The following FYCO1 variants were observed in gnomAD, a reference collection of about 807,000 sequenced individuals.
FYCO1 encodes the protein FYVE and coiled-coil domain-containing protein 1.
FYCO1 carries 122 observed loss-of-function variants against 165.1 expected under a neutral mutation model. The observed-to-expected ratio is 0.74, with a 90% CI of 0.64 to 0.86. The LOEUF (loss-of-function observed/expected upper bound fraction) is 0.86. Ranked by LOEUF, FYCO1 falls within the 40% of genes least tolerant of loss-of-function variation. FYCO1 has a pLI of 0.00. For missense variants in FYCO1, 1,702 were observed against 1,810.3 expected (o/e 0.94, Z 1.09); for synonymous variants, 648 against 742.5 (o/e 0.87, Z 2.07).
intron 2 of FYCO1, among the ~76,000 whole-genome samples, chr3:45,982,007 G>A (rs915059556): frequency 6.6e-6 from 1 of 152,186 alleles, no homozygotes; most frequent in Admixed American, 6.5e-5. Flanking sequence ...CCTGAATACT[G>A]ACTTCCAGAA....
intron 14 of FYCO1, among the ~76,000 whole-genome samples, chr3:45,942,064 C>T (rs1189470581): frequency 6.6e-6 from 1 of 152,188 alleles, no homozygotes; most frequent in African/African-American, 2.4e-5. Flanking sequence ...TAAGGAACAC[C>T]TCACTCATTT....
In FYCO1 at chr3:45,918,488, G is replaced by A. The variant is rs998917444; in HGVS notation, c.*3277C>T. 2.9e-5 allele frequency: 4 copies of A among 137,126 alleles called. No homozygotes were observed. The highest frequency in any genetic ancestry group is 2.2e-4 in the South Asian group (1 of 4,626). The allele number at this position is 137,126 out of a possible 1,614,324, so 8.5% of individuals were successfully genotyped here. On this transcript the variant is annotated 3_prime_UTR_variant, in exon 18 of 18. Transcript: ENST00000296137. ...GACCATCCTTGGTTCTAAGCATCACGAATGGCTTCTCTCTGCTTTAATTCC... is the reference window on the plus strand; with the variant it reads ...GACCATCCTTGGTTCTAAGCATCACAAATGGCTTCTCTCTGCTTTAATTCC...
At chr3:45,987,404 A>G (rs1223283038) in intron 1 of FYCO1, among the ~76,000 whole-genome samples, 2 of 152,060 alleles carry the variant, frequency 1.3e-5, no homozygotes, top group Non-Finnish European at 2.9e-5. Context: ...TGAATTTATA[A>G]AAAAAAATGC....
At chr3:45,987,806 G>A (rs1435410576) in intron 1 of FYCO1, among the ~76,000 whole-genome samples, 1 of 152,254 alleles carries the variant, frequency 6.6e-6, no homozygotes, top group Non-Finnish European at 1.5e-5. Flanking sequence ...CCAGGACAAT[G>A]AAGGAACCAA....
chr3:45,925,384 GT>G (rs1380499182), intron 16 of FYCO1, among the ~76,000 whole-genome samples: 8 of 152,150 alleles, frequency 5.3e-5, no homozygotes, highest in African/African-American at 1.9e-4. Context: ...GCAACTTTGA[GT>G]TCCTAATGAG....
intron 1 of FYCO1, among the ~76,000 whole-genome samples, chr3:45,985,721 A>T (rs779134317): frequency 4.6e-5 from 7 of 152,226 alleles, no homozygotes; most frequent in Non-Finnish European, 1.0e-4. Context: ...AAGTTTGGTT[A>T]CAGTCCTCTC....
At position 45,918,184 on chromosome 3, in the gene FYCO1, A is replaced by G. The variant is rs376052187; in HGVS notation, c.*3581T>C. 6.5e-6 allele frequency: 1 copy of G among 152,756 alleles called. No individual in the cohort carries two copies. Among genetic ancestry groups the G allele is most frequent in the East Asian group, 1.9e-4 (1 of 5,192 alleles). The allele number at this position is 152,756 out of a possible 1,614,324, so 9.5% of individuals were successfully genotyped here. On this transcript the variant is annotated 3_prime_UTR_variant, in exon 18 of 18. Coordinates refer to ENST00000296137, the MANE Select transcript of FYCO1 (RefSeq NM_024513.4). ...TGAGCCTTCCAAATGAGGCTTGGGT[A>G]TTGCTCTGCAGCCACCAGAGGCAGA...
intron 8 of FYCO1, among the ~76,000 whole-genome samples, chr3:45,965,935 G>C (rs183690197): frequency 1.1e-3 from 171 of 152,370 alleles, no homozygotes; most frequent in Non-Finnish European, 2.0e-3. Context: ...TGAGGACGCA[G>C]GCTTTCAAAA....
rs1361699364 is a variant in FYCO1 at position 45,945,717 on chromosome 3, G to C, written c.3945-9174C>G. On this transcript the variant is annotated intron_variant, in intron 14 of 17. Transcript: ENST00000296137. ...TAGAATGCCATAAACTGTGTTAACT[G>C]ATGAAGGGGAAAGTTTAGTTGGGAA... 3.3e-5 allele frequency: 5 copies of C among 152,200 alleles called. No individual in the cohort carries two copies. In the East Asian group the frequency reaches 9.6e-4, roughly 29 times the overall value. The allele number at this position is 152,200 out of a possible 1,614,324, so 9.4% of individuals were successfully genotyped here.
chr3:45,940,130 T>C (rs1704137994), intron 14 of FYCO1, among the ~76,000 whole-genome samples: 1 of 152,234 alleles, frequency 6.6e-6, no homozygotes, highest in South Asian at 2.1e-4. Context: ...TGCTAATCCA[T>C]TGCTTATAAA....
chr3:45,967,311 C>T lies in FYCO1; in HGVS notation c.2023G>A (p.Asp675Asn), dbSNP rs1706113881. 1.9e-6 allele frequency: 3 copies of T among 1,613,712 alleles called. No homozygotes were observed. The highest frequency in any genetic ancestry group is 2.5e-6 in the Non-Finnish European group (3 of 1,179,828). Reference sequence around the variant, plus strand: ...GCCAGCAAGCTCGCCTCCATCTGGTCACCCAAGTGCCGGATGCTGGCCTGC... The same window carrying T: ...GCCAGCAAGCTCGCCTCCATCTGGTTACCCAAGTGCCGGATGCTGGCCTGC... ...AEQASIRHLG[D>N]QMEASLLAVR... Residue 675 changes from aspartate to asparagine, a missense_variant, in exon 8 of 18, where the codon GAC (aspartate) becomes AAC (asparagine). Transcript: ENST00000296137.
rs538032998 is a variant in FYCO1, at chr3:45,920,580, T to A, written c.*1185A>T. 1 of 152,254 alleles carries A rather than the reference T, an allele frequency of 6.6e-6. No homozygotes were observed. Among genetic ancestry groups the A allele is most frequent in the South Asian group, 2.1e-4 (1 of 4,750 alleles). The allele number at this position is 152,254 out of a possible 1,614,324, so 9.4% of individuals were successfully genotyped here. The stretch of plus-strand genomic sequence containing the variant: ...AACAGGGAAGATTAAATAATTCTTG[T>A]CTGGGAATAGGGAACAGGATCTCTC... On this transcript the variant is annotated 3_prime_UTR_variant, in exon 18 of 18. Transcript: ENST00000296137.
chr3:45,930,887 C>G (rs146947855), intron 16 of FYCO1, among the ~76,000 whole-genome samples, 184 bp downstream of exon 16: 1 of 152,232 alleles, frequency 6.6e-6, no homozygotes. Context: ...ACTTCTGGGT[C>G]TTTCTCTCCC....
Position 45,968,328 on chromosome 3 carries a change from C to A in FYCO1, c.1006G>T (p.Ala336Ser). The change falls in exon 8 of 18, where the codon GCC (alanine) becomes TCC (serine). Residue 336 changes from alanine (A) to serine (S), a missense_variant. Ala to Ser is a moderately conservative substitution (Grantham distance 99). Coordinates refer to ENST00000296137, the MANE Select transcript of FYCO1 (RefSeq NM_024513.4). The part of the protein sequence containing the change: ...AAEKEEDYHT[A>S]LRRLESMLQP... ...AGCATGGACTCCAGCCGCCGCAGGG[C>A]TGTGTGGTAGTCCTCCTCCTTCTCT... The A allele has an allele frequency of 6.2e-7, 1 of 1,613,846 alleles. No homozygotes were observed. Among genetic ancestry groups the A allele is most frequent in the Non-Finnish European group, 8.5e-7 (1 of 1,180,030 alleles).
rs1211567587 is a variant in FYCO1 at position 45,918,890 on chromosome 3, G to C, written c.*2875C>G. ...CACTCTGTAGAGTCCACTTGGACCT[G>C]GAGGACAACACTTTGTGCCAAACGT... On this transcript the variant is annotated 3_prime_UTR_variant, in exon 18 of 18. Transcript: ENST00000296137. The C allele has an allele frequency of 1.3e-5, 2 of 152,214 alleles. No homozygotes were observed. The highest frequency in any genetic ancestry group is 2.9e-5 in the Non-Finnish European group (2 of 68,054). The allele number at this position is 152,214 out of a possible 1,614,324, so 9.4% of individuals were successfully genotyped here.
rs1199064462 is a variant in FYCO1, at chr3:45,968,426, T to A, written c.908A>T (p.Glu303Val). The A allele has an allele frequency of 6.2e-7, 1 of 1,613,882 alleles. No homozygotes were observed. The highest frequency in any genetic ancestry group is 1.3e-5 in the African/African-American group (1 of 75,048). ...AGTGTTCTGGGTGGCCTGGGTGACC[T>A]CCCACTGCTTCTGGAGCTCAGCTAC... ...CLVAELQKQW[E>V]VTQATQNTVK... The change falls in exon 8 of 18, where the codon GAG (glutamate) becomes GTG (valine). Residue 303 changes from glutamate (E) to valine (V), a missense_variant. Coordinates refer to ENST00000296137, the MANE Select transcript of FYCO1 (RefSeq NM_024513.4).
intron 14 of FYCO1, chr3:45,945,609 C>A (rs912451415): frequency 1.3e-5 from 2 of 152,138 alleles, no homozygotes; most frequent in Non-Finnish European, 2.9e-5. Flanking sequence ...ATCACAGGAG[C>A]TAAGGCAAGG....
intron 1 of FYCO1, among the ~76,000 whole-genome samples, chr3:45,994,664 GC>G (rs1707710543): frequency 7.2e-6 from 1 of 138,472 alleles, no homozygotes; most frequent in South Asian, 2.5e-4. Flanking sequence ...CCCCACACCA[GC>G]CCCCAACACC....
intron 14 of FYCO1, chr3:45,946,045 A>T (rs1266493812): frequency 6.2e-6 from 1 of 161,558 alleles, no homozygotes; most frequent in African/African-American, 2.4e-5. Flanking sequence ...AGGCAGGGGG[A>T]GATGAAAACA....
Sources: gnomAD v4.1 joint callset for allele counts (sites outside exome capture counted in the v4.1 genomes callset) on GRCh38, gnomAD v4.1.1 for gene constraint, MANE v1.5 for transcripts, NCBI Gene and HGNC (gene_info 2026-07-23, HGNC 2026-07-21) for gene names.